The following RAP1GDS1 variants were observed in gnomAD, a reference collection of about 807,000 sequenced individuals.
RAP1GDS1 encodes the protein RAP1, GTP-GDP dissociation stimulator 1.
A neutral mutation model predicts 71.1 loss-of-function variants in RAP1GDS1; 35 were observed. The observed-to-expected ratio is 0.49, with a 90% CI of 0.38 to 0.65. The LOEUF is 0.65. RAP1GDS1 is among the 30% of genes least tolerant of loss of function. The pLI is 0.00. For synonymous variants in RAP1GDS1, 229 were observed against 243.1 expected (o/e 0.94, Z 0.54); for missense variants, 663 against 706.1 (o/e 0.94, Z 0.69).
intron 12 of RAP1GDS1, among the ~76,000 whole-genome samples, chr4:98,422,367 G>A (rs1174373197): frequency 2.6e-5 from 4 of 151,780 alleles, no homozygotes; most frequent in South Asian, 2.1e-4. Flanking sequence ...ACAGGCAGGC[G>A]CCACCACACT....
intron 6 of RAP1GDS1, among the ~76,000 whole-genome samples, chr4:98,397,283 A>G (rs1744685301): frequency 6.6e-6 from 1 of 152,162 alleles, no homozygotes; most frequent in African/African-American, 2.4e-5. Flanking sequence ...CTTATTTAAC[A>G]TGGAATAAAC....
At chr4:98,264,435 C>T (rs1722449417) in intron 1 of RAP1GDS1, among the ~76,000 whole-genome samples, 1 of 152,166 alleles carries the variant, frequency 6.6e-6, no homozygotes, top group African/African-American at 2.4e-5. Flanking sequence ...GCAATAATTT[C>T]CTACACAAGA....
At chr4:98,409,209 G>GA (rs1746633158) in intron 7 of RAP1GDS1, 1 of 151,892 alleles carries the variant, frequency 6.6e-6, no homozygotes, top group African/African-American at 2.4e-5. Flanking sequence ...TACCAAAAAA[G>GA]AAAAAACAGA....
In RAP1GDS1 at chr4:98,339,564, T is replaced by G. The variant is rs566710008; in HGVS notation, c.113-3575T>G. Among the ~76,000 whole-genome samples the G allele has an allele frequency of 4.6e-5, 7 of 152,298 alleles. No homozygotes were observed. In the South Asian group the frequency reaches 1.4e-3, roughly 32 times the overall value. Reference sequence around the variant, plus strand: ...AGACTTCTGATCACAGTGCATCGTTTTTGATTTTTTTTTTTAACAAGTAGC... The same window carrying G: ...AGACTTCTGATCACAGTGCATCGTTGTTGATTTTTTTTTTTAACAAGTAGC... On this transcript the variant is annotated intron_variant, in intron 2 of 14. Coordinates refer to ENST00000408927, the MANE Select transcript of RAP1GDS1 (RefSeq NM_001100427.2).
chr4:98,378,881 A>G (rs1158788047), intron 4 of RAP1GDS1, 136 bp from the exon 5 acceptor site: 1 of 801,162 alleles, frequency 1.2e-6, no homozygotes, highest in Non-Finnish European at 1.8e-6. Flanking sequence ...TTCTGAAAAG[A>G]CATATTTAAT....
intron 2 of RAP1GDS1, among the ~76,000 whole-genome samples, chr4:98,310,557 C>A (rs970272217): frequency 6.6e-6 from 1 of 152,098 alleles, no homozygotes; most frequent in Admixed American, 6.5e-5. Context: ...TGAATTCGTT[C>A]TTTAAAAAAT....
rs776634139 is a variant in RAP1GDS1 at position 98,378,998 on chromosome 4, T to C, written c.362-19T>C. 17 of 1,552,122 alleles carry C rather than the reference T, an allele frequency of 1.1e-5. No homozygotes were observed. Among genetic ancestry groups the C allele is most frequent in the Non-Finnish European group, 1.4e-5 (16 of 1,148,862 alleles). On this transcript the variant is annotated intron_variant, in intron 4 of 14. Coordinates refer to ENST00000408927, the MANE Select transcript of RAP1GDS1 (RefSeq NM_001100427.2). Reference sequence around the variant, plus strand: ...ATTTCTTTTTTCTTTTATTTTTAATTTAACTCTTTGTTTTACAGATGAGGG... The same window carrying C: ...ATTTCTTTTTTCTTTTATTTTTAATCTAACTCTTTGTTTTACAGATGAGGG...
chr4:98,409,729 T>C (rs1746738650), intron 7 of RAP1GDS1: 1 of 475,520 alleles, frequency 2.1e-6, no homozygotes, highest in Non-Finnish European at 4.3e-6. Context: ...GGGCCTGAGC[T>C]GCTGGAACCT....
chr4:98,347,244 C>T (rs1736425315), intron 3 of RAP1GDS1, among the ~76,000 whole-genome samples: 1 of 152,094 alleles, frequency 6.6e-6, no homozygotes. Flanking sequence ...AAATAATTTT[C>T]ATCACAGCCT....
Position 98,359,228 on chromosome 4 carries a change from G to A in RAP1GDS1, c.361+6627G>A, listed in dbSNP as rs1209878417. On this transcript the variant is annotated intron_variant, in intron 4 of 14. Transcript: ENST00000408927. ...TACGGAGTGGGAATTCGTATTTGTT[G>A]GGTTAGGACCTAGGGACAAAAGCAG... is the stretch of plus-strand genomic sequence containing the variant. Among the ~76,000 whole-genome samples, 88 of 152,016 alleles carry A rather than the reference G, an allele frequency of 5.8e-4. 1 individual carries two copies. The highest frequency in any genetic ancestry group is 5.8e-3 in the Admixed American group (88 of 15,248).
At chr4:98,371,763 C>T (rs903463589) in intron 4 of RAP1GDS1, among the ~76,000 whole-genome samples, 3 of 152,056 alleles carry the variant, frequency 2.0e-5, no homozygotes, top group South Asian at 2.1e-4. Flanking sequence ...TGGCCAATAC[C>T]GCTTTTTCTG....
At chr4:98,342,728 T>G (rs1452763572) in intron 2 of RAP1GDS1, among the ~76,000 whole-genome samples, 1 of 152,178 alleles carries the variant, frequency 6.6e-6, no homozygotes, top group African/African-American at 2.4e-5. Flanking sequence ...TGCCATTTTT[T>G]AAAGTTGCTA....
intron 1 of RAP1GDS1, among the ~76,000 whole-genome samples, chr4:98,287,488 G>C (rs10028373): frequency 0.15 from 22,381 of 152,100 alleles, 2,456 homozygotes; most frequent in African/African-American, 0.3. Flanking sequence ...GTGTGTGTAA[G>C]TGGTGAATAG....
At chr4:98,401,321 GTGTA>G (rs1322661315) in intron 6 of RAP1GDS1, among the ~76,000 whole-genome samples, 12 of 152,152 alleles carry the variant, frequency 7.9e-5, no homozygotes, top group African/African-American at 2.7e-4. Context: ...AAATGAATTA[GTGTA>G]TTACTGAAAC....
At chr4:98,282,662 C>A (rs1327869748) in intron 1 of RAP1GDS1, among the ~76,000 whole-genome samples, 1 of 151,050 alleles carries the variant, frequency 6.6e-6, no homozygotes, top group Non-Finnish European at 1.5e-5. Context: ...CTTCTGCTAG[C>A]TTTTGAATTT....
rs12643162 is a variant in RAP1GDS1, at chr4:98,276,720, A to G, written c.4+15151A>G. On this transcript the variant is annotated intron_variant, in intron 1 of 14. Transcript: ENST00000408927. Reference sequence around the variant, plus strand: ...GGATACAGAAGGAAATGCTGGGACTATGGCAACTAGAGCATTTGCCCAACC... The same window carrying G: ...GGATACAGAAGGAAATGCTGGGACTGTGGCAACTAGAGCATTTGCCCAACC... Among the ~76,000 whole-genome samples the G allele has an allele frequency of 1.6e-3, 242 of 152,294 alleles. 5 individuals are homozygous for G. The East Asian group carries it at 0.045, about 28-fold the overall frequency.
intron 1 of RAP1GDS1, among the ~76,000 whole-genome samples, chr4:98,264,911 G>A (rs1247346012): frequency 6.6e-6 from 1 of 152,162 alleles, no homozygotes; most frequent in Non-Finnish European, 1.5e-5. Flanking sequence ...TAGAGCAAAA[G>A]GTAAGGAAAT....
intron 2 of RAP1GDS1, among the ~76,000 whole-genome samples, chr4:98,331,287 G>A (rs187161966): frequency 1.1e-4 from 16 of 151,688 alleles, no homozygotes; most frequent in Admixed American, 8.5e-4. Flanking sequence ...CATGGAAAGC[G>A]GGAGACGGAG....
intron 2 of RAP1GDS1, among the ~76,000 whole-genome samples, chr4:98,294,930 G>A (rs981224792): frequency 3.3e-5 from 5 of 151,864 alleles, no homozygotes; most frequent in African/African-American, 9.7e-5. Context: ...TATAACCTTC[G>A]TCTGTTTTCA....
Sources: gnomAD v4.1 joint callset for allele counts (sites outside exome capture counted in the v4.1 genomes callset) on GRCh38, gnomAD v4.1.1 for gene constraint, MANE v1.5 for transcripts, NCBI Gene and HGNC (gene_info 2026-07-23, HGNC 2026-07-21) for gene names.